NCALD: variants seen among roughly 807,000 people sequenced by gnomAD.
NCALD encodes the protein neurocalcin delta.
NCALD carries 10 observed loss-of-function variants against 18.6 expected under a neutral mutation model. The observed-to-expected ratio is 0.54, with a 90% confidence interval of 0.33 to 0.91. The LOEUF (loss-of-function observed/expected upper bound fraction) is 0.91, where lower values mean the gene tolerates loss of function less well. Among genes scored for constraint, NCALD ranks in the 40% least tolerant of loss-of-function variants. The pLI is 0.03. For synonymous variants in NCALD, 88 were observed against 87.4 expected, an observed-to-expected ratio of 1.01 and a Z score of -0.04; for missense variants, 184 against 247.6, an observed-to-expected ratio of 0.74 and a Z score of 1.72.
Position 101,898,763 on chromosome 8 carries a change from A to G in NCALD, c.-106-11536T>C, listed in dbSNP as rs558982051. 3.3e-5 allele frequency among the ~76,000 whole-genome samples: 5 copies of G among 152,250 alleles called. 1 individual carries two copies. In the South Asian group the frequency reaches 8.3e-4, roughly 25 times the overall value. ...ATGTATCACTCTCTTTGCTAATTCC[A>G]CACAGTCTTGACTACGATAGCTATA... On this transcript the variant is annotated intron_variant, in intron 3 of 6. Transcript: ENST00000311028.
rs542752494 is a variant in NCALD, at chr8:101,957,465, T to A, written c.-156-41607A>T. ...ATGAACTTAGCATCCTGATGCCAAA[T>A]GAAAGATTTAAGCAAGTTCCCTATT... On this transcript the variant is annotated intron_variant, in intron 2 of 6. Coordinates refer to the NCALD transcript ENST00000311028. 2.0e-5 allele frequency among the ~76,000 whole-genome samples: 3 copies of A among 152,164 alleles called. No homozygotes were observed. In the East Asian group the frequency reaches 5.8e-4, roughly 29 times the overall value.
chr8:102,006,552 T>G (rs1821721018), intron 2 of NCALD, among the ~76,000 whole-genome samples: 1 of 152,204 alleles, frequency 6.6e-6, no homozygotes. Flanking sequence ...CCCTGCCCTC[T>G]GGCTTCTTGT....
intron 2 of NCALD, among the ~76,000 whole-genome samples, chr8:102,015,331 T>C (rs891048055): frequency 3.3e-5 from 5 of 152,308 alleles, no homozygotes; most frequent in African/African-American, 9.6e-5. Context: ...ATTCCTGCCA[T>C]TGTAGCCATG....
intron 4 of NCALD, among the ~76,000 whole-genome samples, chr8:101,827,951 T>A (rs1458473143): frequency 1.3e-5 from 2 of 152,192 alleles, no homozygotes; most frequent in African/African-American, 4.8e-5. Context: ...TGTAATTTTG[T>A]AGGGCTGAGG....
chr8:102,124,210 A>G (rs1392267966), intron 1 of NCALD: 2 of 151,578 alleles, frequency 1.3e-5, no homozygotes, highest in Non-Finnish European at 2.9e-5. Context: ...GGCTCCCGAG[A>G]AGCGGAGGGA....
intron 1 of NCALD, among the ~76,000 whole-genome samples, chr8:102,049,427 TATTC>T (rs1454130461): frequency 1.3e-5 from 2 of 152,196 alleles, no homozygotes; most frequent in Non-Finnish European, 2.9e-5. Flanking sequence ...TGCCGTTGTT[TATTC>T]ATTCATCTAC....
chr8:101,868,294 C>T (rs1013168369), intron 4 of NCALD, among the ~76,000 whole-genome samples: 3 of 151,936 alleles, frequency 2.0e-5, no homozygotes, highest in Non-Finnish European at 4.4e-5. Flanking sequence ...ACACTGAGCT[C>T]GCACTGACCT....
chr8:101,909,322 T>C (rs16868707), intron 3 of NCALD, among the ~76,000 whole-genome samples: 7,038 of 152,270 alleles, frequency 0.046, 260 homozygotes, highest in African/African-American at 0.1. Flanking sequence ...CTTCCAAGAA[T>C]TGATCAAAGG....
chr8:101,858,755 A>G (rs1321499689), intron 4 of NCALD, among the ~76,000 whole-genome samples: 5 of 152,208 alleles, frequency 3.3e-5, no homozygotes. Context: ...AGCCCCACGG[A>G]GAATCCCAAG....
At chr8:102,001,417 G>T (rs1821461109) in intron 2 of NCALD, among the ~76,000 whole-genome samples, 1 of 152,242 alleles carries the variant, frequency 6.6e-6, no homozygotes, top group Non-Finnish European at 1.5e-5. Context: ...ACCTGAAAGT[G>T]ATGGGGAGAA....
chr8:101,778,391 CAT>C (rs1240879401), intron 1 of NCALD, among the ~76,000 whole-genome samples: 4 of 151,940 alleles, frequency 2.6e-5, no homozygotes, highest in Non-Finnish European at 4.4e-5. Context: ...TGAAGGAAAA[CAT>C]AGAACATATG....
At chr8:101,822,193 C>T (rs1000392519) in intron 4 of NCALD, among the ~76,000 whole-genome samples, 3 of 152,058 alleles carry the variant, frequency 2.0e-5, no homozygotes, top group Admixed American at 6.6e-5. Context: ...ATGTATTCCT[C>T]GATTTTTGTA....
intron 3 of NCALD, chr8:101,692,576 A>C: frequency 1.0e-6 from 1 of 985,362 alleles, no homozygotes; most frequent in Non-Finnish European, 1.2e-6. Flanking sequence ...GTTGACCTAC[A>C]AGGAGGATAG....
chr8:102,039,450 A>G (rs1449745103), intron 1 of NCALD, among the ~76,000 whole-genome samples: 1 of 152,208 alleles, frequency 6.6e-6, no homozygotes, highest in Non-Finnish European at 1.5e-5. Flanking sequence ...AAGAGAGAGC[A>G]ATCACTGACA....
At chr8:101,752,337 A>G (rs1470008708) in intron 1 of NCALD, among the ~76,000 whole-genome samples, 2 of 152,244 alleles carry the variant, frequency 1.3e-5, no homozygotes, top group Non-Finnish European at 2.9e-5. Flanking sequence ...AAAGTAAAAT[A>G]TAATTTGTTG....
chr8:101,912,954 C>G (rs1817852974), intron 3 of NCALD, among the ~76,000 whole-genome samples: 1 of 152,214 alleles, frequency 6.6e-6, no homozygotes, highest in Non-Finnish European at 1.5e-5. Context: ...TGGGAAGAAG[C>G]TGTGGGTGAT....
intron 1 of NCALD, among the ~76,000 whole-genome samples, chr8:101,783,865 A>G (rs1279459975): frequency 2.0e-5 from 3 of 152,182 alleles, no homozygotes; most frequent in Non-Finnish European, 4.4e-5. Flanking sequence ...TTGGTAACAG[A>G]AATATATTTT....
chr8:101,710,732 A>T (rs1815745490), intron 2 of NCALD, among the ~76,000 whole-genome samples: 1 of 152,230 alleles, frequency 6.6e-6, no homozygotes, highest in Non-Finnish European at 1.5e-5. Context: ...CTCTCTGGGC[A>T]GGGCATCTCT....
At chr8:102,032,917 T>C (rs1302454704) in intron 1 of NCALD, among the ~76,000 whole-genome samples, 1 of 152,126 alleles carries the variant, frequency 6.6e-6, no homozygotes, top group African/African-American at 2.4e-5. Context: ...GCACCATTAC[T>C]GTGTGTTCAC....
Sources: allele counts gnomAD v4.1 joint callset (sites outside exome capture counted in the v4.1 genomes callset), GRCh38; gene constraint gnomAD v4.1.1; transcripts MANE v1.5; gene names NCBI Gene and HGNC (gene_info 2026-07-23, HGNC 2026-07-21).